CHLSN: variants seen among roughly 807,000 people sequenced by gnomAD.
CHLSN encodes protein cholesin.
the CHLSN span, among the ~76,000 whole-genome samples, chr7:999,779 G>C: frequency 2.0e-5 from 3 of 152,196 alleles, no homozygotes; most frequent in African/African-American, 7.2e-5. Context: ...GAGAGCCAGC[G>C]AGGCAGGAGG....
At chr7:994,623 TG>T in the CHLSN span, among the ~76,000 whole-genome samples, 7 of 151,768 alleles carry the variant, frequency 4.6e-5, no homozygotes, top group African/African-American at 1.7e-4. Flanking sequence ...TATTTTTTGT[TG>T]GGGGGCAGTT....
chr7:1,070,576 ACG>A, the CHLSN span, among the ~76,000 whole-genome samples: 2 of 149,010 alleles, frequency 1.3e-5, no homozygotes, highest in African/African-American at 5.0e-5. Flanking sequence ...ACACGCAAAC[ACG>A]CACACACGGA....
the CHLSN span, among the ~76,000 whole-genome samples, chr7:1,011,841 G>C: frequency 2.0e-5 from 3 of 152,170 alleles, no homozygotes; most frequent in African/African-American, 7.2e-5. Context: ...CACCGTCCCT[G>C]GCAGATGCCT....
the CHLSN span, among the ~76,000 whole-genome samples, chr7:1,023,654 CACACACACACACACACACACA>C: frequency 2.7e-5 from 4 of 149,658 alleles, no homozygotes; most frequent in African/African-American, 7.3e-5. This position sits in a 1 kb window ranked among gnomAD's most constrained non-coding sequence, Gnocchi z 5.0. Context: ...CACACACACA[CACACACACACACACACACACA>C]CACCAGCAAC....
At chr7:986,419 C>T in the CHLSN span, 3 of 616,054 alleles carry the variant, frequency 4.9e-6, no homozygotes, top group African/African-American at 5.6e-5. Context: ...GCCTGGCTGT[C>T]CCCTTCCGGG....
At chr7:1,110,006 C>T in the CHLSN span, among the ~76,000 whole-genome samples, 9 of 152,212 alleles carry the variant, frequency 5.9e-5, no homozygotes, top group East Asian at 1.2e-3. Flanking sequence ...CGGAGGGCAG[C>T]GTGGGGAGGA....
chr7:1,044,260 C>T, the CHLSN span, among the ~76,000 whole-genome samples: 1 of 152,350 alleles, frequency 6.6e-6, no homozygotes, highest in Admixed American at 6.5e-5. Flanking sequence ...GCACCAGCGC[C>T]TGTAAAAAGA....
chr7:1,009,895 G>A, the CHLSN span: 1 of 1,412,988 alleles, frequency 7.1e-7, no homozygotes, highest in South Asian at 1.4e-5. Context: ...GACCCCCTCA[G>A]GCAGGGGTTG....
At chr7:1,046,546 A>G in the CHLSN span, among the ~76,000 whole-genome samples, 1 of 152,204 alleles carries the variant, frequency 6.6e-6, no homozygotes, top group Non-Finnish European at 1.5e-5. Context: ...GGTAGCCAAG[A>G]GGACAGGGAA....
At chr7:1,002,673 GA>G in the CHLSN span, among the ~76,000 whole-genome samples, 1 of 118,494 alleles carries the variant, frequency 8.4e-6, no homozygotes, top group East Asian at 2.8e-4. Context: ...TCCTGCGGGT[GA>G]GTGGAGTCCT....
the CHLSN span, chr7:1,025,030 T>C: frequency 3.3e-5 from 5 of 152,272 alleles, no homozygotes; most frequent in Admixed American, 6.5e-5. Flanking sequence ...ATGCTGCCAA[T>C]GGGGACATGC....
the CHLSN span, among the ~76,000 whole-genome samples, chr7:1,100,247 A>C: frequency 6.6e-6 from 1 of 152,178 alleles, no homozygotes; most frequent in African/African-American, 2.4e-5. Flanking sequence ...GTTTGCTGGC[A>C]CTAGGCCTCT....
the CHLSN span, among the ~76,000 whole-genome samples, chr7:1,019,731 G>A: frequency 3.3e-5 from 5 of 152,228 alleles, no homozygotes; most frequent in South Asian, 2.1e-4. Context: ...GGGCAGAGGC[G>A]GTGGGAAGCA....
the CHLSN span, chr7:1,137,469 T>A: frequency 1.3e-5 from 2 of 152,158 alleles, no homozygotes; most frequent in African/African-American, 4.8e-5. Flanking sequence ...AATGAATGAA[T>A]GAATGACGGA....
At chr7:1,132,418 C>T in the CHLSN span, among the ~76,000 whole-genome samples, 188 of 152,104 alleles carry the variant, frequency 1.2e-3, 1 homozygote, top group African/African-American at 3.9e-3. Context: ...CCAGGCTAGG[C>T]ACTGTGGCTC....
chr7:1,131,008 C>T, the CHLSN span, among the ~76,000 whole-genome samples: 2 of 151,930 alleles, frequency 1.3e-5, no homozygotes, highest in Admixed American at 6.6e-5. Context: ...GGCAACATAG[C>T]GAGGCTCCAC....
chr7:1,099,951 G>T, the CHLSN span, among the ~76,000 whole-genome samples: 2 of 152,232 alleles, frequency 1.3e-5, no homozygotes, highest in South Asian at 4.1e-4. Context: ...GCACCTGAGG[G>T]TGGGTTCGGA....
chr7:1,026,447 C>G, the CHLSN span: 1 of 152,234 alleles, frequency 6.6e-6, no homozygotes, highest in Admixed American at 6.5e-5. Flanking sequence ...TGTGAGAACA[C>G]TAACCTGCCT....
At chr7:1,004,447 CCCATGGGGCCCGAGG>C in the CHLSN span, among the ~76,000 whole-genome samples, 1 of 152,216 alleles carries the variant, frequency 6.6e-6, no homozygotes, top group Admixed American at 6.5e-5. Context: ...ACACTGCCCT[CCCATGGGGCCCGAGG>C]CCACAGCACT....
Sources: gnomAD v4.1 joint callset for allele counts (sites outside exome capture counted in the v4.1 genomes callset) on GRCh38, gnomAD v4.1.1 for gene constraint, Gnocchi (gnomAD v3.1) non-coding constraint, MANE v1.5 for transcripts, NCBI Gene and HGNC (gene_info 2026-07-23, HGNC 2026-07-21) for gene names.